ARRDC4: variants seen among roughly 807,000 people sequenced by gnomAD.
ARRDC4 encodes the protein arrestin domain-containing protein 4.
In ARRDC4, 40 loss-of-function variants were observed where a neutral mutation model predicts 44.6. The ratio of observed to expected loss-of-function variants is 0.90; its 90% CI spans 0.70 to 1.17. The LOEUF (loss-of-function observed/expected upper bound fraction) is 1.17, where lower values mean the gene tolerates loss of function less well. Ranked by LOEUF, ARRDC4 falls within the 50% of genes most tolerant of loss-of-function variation. The pLI is 0.00. For synonymous variants in ARRDC4, 211 were observed against 221.2 expected (o/e 0.95, Z 0.41); for missense variants, 550 against 559.1 (o/e 0.98, Z 0.16).
At chr15:97,961,240 C>T in intron 1 of ARRDC4, 72 bp downstream of exon 1, 5 of 1,287,664 alleles carry the variant, frequency 3.9e-6, no homozygotes, top group Non-Finnish European at 4.9e-6. Flanking sequence ...AGGCCGCGCA[C>T]CCTCGGGATG....
rs1021612822 is a variant in ARRDC4 at position 97,960,745 on chromosome 15, G to C, written c.-117G>C. ...GCCGGTGCCCCATCGGGTACCGCAC[G>C]GCTGCCGCGGCGGCCTTACCCTGCC... On this transcript the variant is annotated 5_prime_UTR_variant, in exon 1 of 8. Coordinates refer to ENST00000268042, the MANE Select transcript of ARRDC4 (RefSeq NM_183376.3). 6.2e-5 allele frequency: 58 copies of C among 942,748 alleles called. No individual in the cohort carries two copies. Among genetic ancestry groups the C allele is most frequent in the Non-Finnish European group, 8.0e-5 (58 of 722,276 alleles). 58.4% of individuals were successfully genotyped at this position (942,748 alleles called of 1,614,324 possible). A position where few individuals can be genotyped will look rare whatever the true frequency, so the allele number is the denominator to read the frequency against.
Position 97,960,980 on chromosome 15 carries a change from G to T in ARRDC4, c.119G>T (p.Gly40Val). Residue 40 changes from glycine (G) to valine (V), a missense_variant, in exon 1 of 8, where the codon GGG (glycine) becomes GTG (valine). By Grantham distance (109) the Gly-to-Val change is moderately radical. Coordinates refer to ENST00000268042, the MANE Select transcript of ARRDC4 (RefSeq NM_183376.3). The stretch of plus-strand genomic sequence containing the variant: ...TATTCCAGCGGCGAGACAGTGGCCG[G>T]GCACGTGCTGCTGGAGGCGTCCGAG... ...GCYSSGETVA[G>V]HVLLEASEPV... 1 of 1,461,824 alleles carries T rather than the reference G, an allele frequency of 6.8e-7. No homozygotes were observed. The allele number at this position is 1,461,824 out of a possible 1,614,324, so 90.6% of individuals were successfully genotyped here. A position where few individuals can be genotyped will look rare whatever the true frequency, so the allele number is the denominator to read the frequency against.
intron 5 of ARRDC4, 105 bp from the exon 6 acceptor site, chr15:97,969,778 C>G: frequency 9.2e-7 from 1 of 1,086,770 alleles, no homozygotes; most frequent in Non-Finnish European, 1.3e-6. Flanking sequence ...TGGCAGCCGA[C>G]AAAAGCATTT....
Position 97,971,217 on chromosome 15 carries a change from T to G in ARRDC4, c.*30T>G. On this transcript the variant is annotated 3_prime_UTR_variant, in exon 8 of 8. Coordinates refer to ENST00000268042, the MANE Select transcript of ARRDC4 (RefSeq NM_183376.3). ...ATTTCAGAAATCACTGTGTTCATCA[T>G]CAAATTAGAATGTTGGTTCTTTTCC... 6.2e-7 allele frequency: 1 copy of G among 1,601,302 alleles called. No individual in the cohort carries two copies. The highest frequency in any genetic ancestry group is 8.6e-7 in the Non-Finnish European group (1 of 1,168,878).
chr15:97,961,032 G>C lies in ARRDC4; in HGVS notation c.171G>C (p.Leu57=). The change falls in exon 1 of 8, where the codon CTG becomes CTC. Residue 57 remains leucine (L), a synonymous_variant. Transcript: ENST00000268042. ...SEPVALRALR[L]EAQGRATAAW... Reference sequence around the variant, plus strand: ...CGGTGGCCCTGCGCGCGCTGCGCCTGGAGGCCCAGGGGCGCGCCACCGCCG... The same window carrying C: ...CGGTGGCCCTGCGCGCGCTGCGCCTCGAGGCCCAGGGGCGCGCCACCGCCG... The C allele has an allele frequency of 7.0e-7, 1 of 1,435,070 alleles. No homozygotes were observed. The highest frequency in any genetic ancestry group is 1.4e-5 in the South Asian group (1 of 71,514). The allele number at this position is 1,435,070 out of a possible 1,614,324, so 88.9% of individuals were successfully genotyped here.
chr15:97,969,037 A>C, intron 4 of ARRDC4, 86 bp from the exon 5 acceptor site: 2 of 1,360,198 alleles, frequency 1.5e-6, no homozygotes, highest in Non-Finnish European at 2.0e-6. Flanking sequence ...TGATGTTGGA[A>C]CATTTCAGCT....
In ARRDC4 at chr15:97,969,265, A is replaced by T; in HGVS notation, c.768A>T (p.Gly256=). ...GACACATGGTCGCCAATGTGCGAGG[A>T]AACCACATCGCTTCTGGGAGCACAG... ...TIRHMVANVR[G]NHIASGSTDT... is the part of the protein sequence containing the mutation. Residue 256 remains glycine, a synonymous_variant, in exon 5 of 8, where the codon GGA becomes GGT. Transcript: ENST00000268042. The T allele has an allele frequency of 6.2e-7, 1 of 1,613,978 alleles. No individual in the cohort carries two copies. The highest frequency in any genetic ancestry group is 8.5e-7 in the Non-Finnish European group (1 of 1,179,908).
At position 97,966,152 on chromosome 15, in the gene ARRDC4, C is replaced by G; in HGVS notation, c.522+110C>G. The G allele has an allele frequency of 8.0e-7, 1 of 1,257,516 alleles. No individual in the cohort carries two copies. 77.9% of individuals were successfully genotyped at this position (1,257,516 alleles called of 1,614,324 possible). A position where few individuals can be genotyped will look rare whatever the true frequency, so the allele number is the denominator to read the frequency against. ...CCAGTTTACTGGTAGTCTGTCCTGT[C>G]ACTTTCTGATGGCTTGGAAAACACA... is the stretch of plus-strand genomic sequence containing the variant. On this transcript the variant is annotated intron_variant, in intron 3 of 7. Transcript: ENST00000268042. This position sits in a 1 kb window ranked among gnomAD's most constrained non-coding sequence, Gnocchi z 4.7.
intron 1 of ARRDC4, 25 bp downstream of exon 1, chr15:97,961,193 T>A (rs1596304115): frequency 1.1e-5 from 15 of 1,377,680 alleles, no homozygotes; most frequent in African/African-American, 1.5e-5. Context: ...GCGCCTGGGG[T>A]TCCCCCGCCA....
chr15:97,973,354 TAAGAG>T lies in ARRDC4; in HGVS notation c.*2170_*2174del, dbSNP rs1899546493. 1 of 152,602 alleles carries T rather than the reference TAAGAG, an allele frequency of 6.6e-6. No individual in the cohort carries two copies. The highest frequency in any genetic ancestry group is 6.5e-5 in the Admixed American group (1 of 15,276). 9.5% of individuals were successfully genotyped at this position (152,602 alleles called of 1,614,324 possible). On this transcript the variant is annotated 3_prime_UTR_variant, in exon 8 of 8. Transcript: ENST00000268042. ...GAAGTGAAACTATCTCTGTAGGACTTAAGAGAATAGCTAAAAGGTGTGACTTGCCT... is the reference window on the plus strand; with the variant it reads ...GAAGTGAAACTATCTCTGTAGGACTTAATAGCTAAAAGGTGTGACTTGCCT...
Position 97,966,357 on chromosome 15 carries a change from A to C in ARRDC4, c.522+315A>C, listed in dbSNP as rs181115037. Among the ~76,000 whole-genome samples, 4 of 152,334 alleles carry C rather than the reference A, an allele frequency of 2.6e-5. No homozygotes were observed. In the East Asian group the frequency reaches 7.7e-4, roughly 29 times the overall value. The stretch of plus-strand genomic sequence containing the variant: ...TAACAATAATGCACACACAGAGAGT[A>C]GTTACTTTTACCAGAGTGGCCACAT... On this transcript the variant is annotated intron_variant, in intron 3 of 7. Transcript: ENST00000268042. This position sits in a 1 kb window ranked among gnomAD's most constrained non-coding sequence, Gnocchi z 4.7.
chr15:97,960,806 G>A lies in ARRDC4; in HGVS notation c.-56G>A. ...GTGACAGCGGCGCCGCTGTGCTCGC[G>A]ACCCCGGCTCCGGGCCTCTGCCGAC... is the stretch of plus-strand genomic sequence containing the variant. On this transcript the variant is annotated 5_prime_UTR_variant, in exon 1 of 8. Coordinates refer to ENST00000268042, the MANE Select transcript of ARRDC4 (RefSeq NM_183376.3). The A allele has an allele frequency of 8.0e-7, 1 of 1,254,752 alleles. No individual in the cohort carries two copies. Among genetic ancestry groups the A allele is most frequent in the East Asian group, 3.2e-5 (1 of 31,236 alleles). 77.7% of individuals were successfully genotyped at this position (1,254,752 alleles called of 1,614,324 possible).
rs919646002 is a variant in ARRDC4 at position 97,961,167 on chromosome 15, C to G, written c.306C>G (p.Ala102=). ...GCCTCAGCCTGCGGGAGCCCCCGGC[C>G]GGTAAGCGCAGGCGAGCGCCTGGGG... is the stretch of plus-strand genomic sequence containing the variant. ...NVRLSLREPP[A]GEGIILLQPG... is the part of the protein sequence containing the mutation. The change falls in exon 1 of 8, where the codon GCC becomes GCG. Residue 102 remains alanine, a splice_region_variant and synonymous_variant. Transcript: ENST00000268042. 7 of 1,428,636 alleles carry G rather than the reference C, an allele frequency of 4.9e-6. No individual in the cohort carries two copies. The African/African-American group carries it at 1.1e-4, about 22-fold the overall frequency. 88.5% of individuals were successfully genotyped at this position (1,428,636 alleles called of 1,614,324 possible). A position where few individuals can be genotyped will look rare whatever the true frequency, so the allele number is the denominator to read the frequency against.
intron 7 of ARRDC4, 85 bp from the exon 8 acceptor site, chr15:97,971,046 A>ATTT: frequency 6.9e-7 from 1 of 1,443,404 alleles, no homozygotes; most frequent in Non-Finnish European, 9.7e-7. Context: ...AGCTTGGCAT[A>ATTT]TAACCATCAT....
intron 1 of ARRDC4, among the ~76,000 whole-genome samples, chr15:97,964,460 C>T (rs546986089): frequency 4.3e-4 from 65 of 152,272 alleles, no homozygotes; most frequent in African/African-American, 1.5e-3. Context: ...GTATAAGTCT[C>T]TCAAGAGAGC....
In ARRDC4 at chr15:97,968,240, T is replaced by G; in HGVS notation, c.625+124T>G. The G allele has an allele frequency of 2.2e-6, 1 of 446,680 alleles. No homozygotes were observed. Among genetic ancestry groups the G allele is most frequent in the Non-Finnish European group, 3.8e-6 (1 of 265,948 alleles). The allele number at this position is 446,680 out of a possible 1,614,324, so 27.7% of individuals were successfully genotyped here. A position where few individuals can be genotyped will look rare whatever the true frequency, so the allele number is the denominator to read the frequency against. On this transcript the variant is annotated intron_variant, in intron 4 of 7. Transcript: ENST00000268042. This position sits in a 1 kb window ranked among gnomAD's most constrained non-coding sequence, Gnocchi z 5.4. ...GTATAGTATTTTAAAACATGAATAG[T>G]GATACATTTTTTATATAAATAATTG...
Position 97,961,114 on chromosome 15 carries a change from T to C in ARRDC4, c.253T>C (p.Phe85Leu). 6.9e-7 allele frequency: 1 copy of C among 1,458,172 alleles called. No homozygotes were observed. The highest frequency in any genetic ancestry group is 9.0e-7 in the Non-Finnish European group (1 of 1,113,452). 90.3% of individuals were successfully genotyped at this position (1,458,172 alleles called of 1,614,324 possible). Reference sequence around the variant, plus strand: ...GGCCAGCACCGCGGCCCTGGCTGTCTTCTCGGAGGTGGAGTACCTGAACGT... The same window carrying C: ...GGCCAGCACCGCGGCCCTGGCTGTCCTCTCGGAGGTGGAGTACCTGAACGT... ...ASASTAALAVFSEVEYLNVRL... is the reference protein window; with the variant it reads ...ASASTAALAVLSEVEYLNVRL... The change falls in exon 1 of 8, where the codon TTC becomes CTC. Residue 85 changes from phenylalanine to leucine, a missense_variant. Transcript: ENST00000268042.
chr15:97,961,076 G>GC lies in ARRDC4; in HGVS notation c.220dup (p.Arg74ProfsTer31). The GC allele has an allele frequency of 7.0e-7, 1 of 1,435,070 alleles. No individual in the cohort carries two copies. The highest frequency in any genetic ancestry group is 9.1e-7 in the Non-Finnish European group (1 of 1,100,104). The allele number at this position is 1,435,070 out of a possible 1,614,324, so 88.9% of individuals were successfully genotyped here. On this transcript the variant is annotated frameshift_variant, in exon 1 of 8. Transcript: ENST00000268042. LOFTEE classifies it high-confidence loss of function. ...ACCGCCGCCTGGGGCCCGAGCACCT[G>GC]CCCCCGCGCCTCGGCCAGCACCGCG...
intron 1 of ARRDC4, among the ~76,000 whole-genome samples, chr15:97,962,052 T>C (rs926903406): frequency 2.6e-5 from 4 of 152,232 alleles, no homozygotes; most frequent in African/African-American, 9.6e-5. Context: ...ATTTCATGGA[T>C]GGAAACTAGT....
Sources: gnomAD v4.1 joint callset for allele counts (sites outside exome capture counted in the v4.1 genomes callset) on GRCh38, gnomAD v4.1.1 for gene constraint, Gnocchi (gnomAD v3.1) non-coding constraint, MANE v1.5 for transcripts, NCBI Gene and HGNC (gene_info 2026-07-23, HGNC 2026-07-21) for gene names.